Variants in EEF1AKMT1 observed in about 807,000 individuals in gnomAD.
EEF1AKMT1 encodes N-6 adenine-specific DNA methyltransferase 2 (putative).
In EEF1AKMT1, 18 loss-of-function variants were observed where a neutral mutation model predicts 21.0. The ratio of observed to expected loss-of-function variants is 0.86; its 90% CI spans 0.59 to 1.27. EEF1AKMT1 has a LOEUF of 1.27. Ranked by LOEUF, EEF1AKMT1 falls within the 50% of genes most tolerant of loss-of-function variation. The probability of loss-of-function intolerance (pLI) is 0.00; values close to 1 mark genes in which losing one functional copy is unlikely to be tolerated. For missense variants in EEF1AKMT1, 246 were observed against 258.6 expected, an observed-to-expected ratio of 0.95 and a Z score of 0.33; for synonymous variants, 109 against 94.8, an observed-to-expected ratio of 1.15 and a Z score of -0.87.
chr13:20,751,896 T>C (rs1158776578), intron 2 of EEF1AKMT1, among the ~76,000 whole-genome samples: 1 of 152,206 alleles, frequency 6.6e-6, no homozygotes, highest in East Asian at 1.9e-4. Flanking sequence ...GTATTTCTTT[T>C]TTTTGTAGCT....
chr13:20,754,260 C>A (rs552922390), intron 2 of EEF1AKMT1, among the ~76,000 whole-genome samples: 1 of 98,494 alleles, frequency 1.0e-5, no homozygotes, highest in Non-Finnish European at 2.2e-5. Flanking sequence ...CTTTTGTTGG[C>A]AGTTTTTTTT....
At chr13:20,738,702 T>A (rs2058843289) in intron 2 of EEF1AKMT1, among the ~76,000 whole-genome samples, 2 of 152,174 alleles carry the variant, frequency 1.3e-5, no homozygotes, top group Admixed American at 1.3e-4. Flanking sequence ...CTTGGAAACA[T>A]TACACTGAAC....
intron 2 of EEF1AKMT1, among the ~76,000 whole-genome samples, 183 bp from the exon 3 acceptor site, chr13:20,737,988 TTTAAA>T (rs2058835986): frequency 6.6e-6 from 1 of 152,260 alleles, no homozygotes; most frequent in African/African-American, 2.4e-5. Flanking sequence ...TCGAAATTAC[TTTAAA>T]TTAATACAAG....
intron 2 of EEF1AKMT1, among the ~76,000 whole-genome samples, chr13:20,745,238 T>C (rs2058896573): frequency 1.3e-5 from 2 of 152,240 alleles, no homozygotes; most frequent in South Asian, 4.1e-4. Context: ...GGTAGCTTGA[T>C]GGGAATAGCA....
rs919980861 is a variant in EEF1AKMT1, at chr13:20,743,180, C to T, written c.145-5375G>A. On this transcript the variant is annotated intron_variant, in intron 2 of 4. Transcript: ENST00000382758. ...CTCCGAAATTGAAGCGATTCTCCTG[C>T]CTCAGCCTCCCAAGTAGCTGGGATT... Among the ~76,000 whole-genome samples the T allele has an allele frequency of 1.1e-4, 17 of 152,202 alleles. No individual in the cohort carries two copies. The Middle Eastern group carries it at 0.014, about 122-fold the overall frequency.
intron 1 of EEF1AKMT1, among the ~76,000 whole-genome samples, chr13:20,767,091 G>A (rs1435980848): frequency 6.6e-6 from 1 of 151,968 alleles, no homozygotes; most frequent in African/African-American, 2.4e-5. Flanking sequence ...CGGATCACGA[G>A]GTCAGGAGAT....
At chr13:20,762,235 T>G (rs989779884) in intron 1 of EEF1AKMT1, among the ~76,000 whole-genome samples, 4 of 149,206 alleles carry the variant, frequency 2.7e-5, no homozygotes, top group African/African-American at 9.9e-5. Flanking sequence ...CAGGCTGGAG[T>G]GCAGTGGTGC....
At chr13:20,738,536 A>T (rs2141415525) in intron 2 of EEF1AKMT1, among the ~76,000 whole-genome samples, 1 of 152,282 alleles carries the variant, frequency 6.6e-6, no homozygotes, top group South Asian at 2.1e-4. Context: ...GGGGCATGCC[A>T]ACTGGGGGGT....
intron 1 of EEF1AKMT1, among the ~76,000 whole-genome samples, chr13:20,766,843 A>T (rs2059036326): frequency 6.6e-6 from 1 of 152,010 alleles, no homozygotes; most frequent in Admixed American, 6.6e-5. Context: ...AAAAAGAAAA[A>T]GAAAAAAACA....
intron 3 of EEF1AKMT1, among the ~76,000 whole-genome samples, chr13:20,734,287 G>A (rs936964408): frequency 7.9e-5 from 12 of 152,196 alleles, no homozygotes; most frequent in African/African-American, 2.7e-4. Flanking sequence ...ATGCAAGAAG[G>A]GATGGGAGCA....
intron 1 of EEF1AKMT1, among the ~76,000 whole-genome samples, chr13:20,764,291 T>A (rs1319472998): frequency 2.0e-5 from 3 of 152,196 alleles, no homozygotes; most frequent in Non-Finnish European, 4.4e-5. Flanking sequence ...ACTTTTAAAT[T>A]TCTCTCTGGC....
At chr13:20,749,019 C>T (rs915419822) in intron 2 of EEF1AKMT1, among the ~76,000 whole-genome samples, 7 of 152,108 alleles carry the variant, frequency 4.6e-5, no homozygotes, top group Admixed American at 3.3e-4. Context: ...CGTGAGCCAT[C>T]GTGCCCAGCC....
intron 1 of EEF1AKMT1, among the ~76,000 whole-genome samples, chr13:20,770,151 AT>A (rs1202810682): frequency 1.6e-4 from 25 of 152,362 alleles, no homozygotes; most frequent in African/African-American, 5.5e-4. Context: ...ATTCTGATAT[AT>A]GCTACAATGT....
intron 2 of EEF1AKMT1, among the ~76,000 whole-genome samples, chr13:20,743,258 G>C (rs1228161111): frequency 6.6e-6 from 1 of 151,974 alleles, no homozygotes; most frequent in Non-Finnish European, 1.5e-5. Flanking sequence ...GTAGAGAGGA[G>C]GTTTCACCAT....
At chr13:20,751,760 G>A (rs376734222) in intron 2 of EEF1AKMT1, among the ~76,000 whole-genome samples, 12 of 151,904 alleles carry the variant, frequency 7.9e-5, no homozygotes, top group South Asian at 2.1e-4. Context: ...TTTTAACTAC[G>A]ATTATTCTTT....
At chr13:20,771,373 CA>C (rs2059062108) in intron 1 of EEF1AKMT1, among the ~76,000 whole-genome samples, 2 of 152,028 alleles carry the variant, frequency 1.3e-5, no homozygotes, top group South Asian at 4.2e-4. Flanking sequence ...AATTAAATTC[CA>C]ATCTATATAA....
intron 1 of EEF1AKMT1, among the ~76,000 whole-genome samples, chr13:20,760,089 A>C (rs1478355361): frequency 7.2e-6 from 1 of 138,054 alleles, no homozygotes; most frequent in Non-Finnish European, 1.5e-5. Flanking sequence ...TGGGGAACAG[A>C]GCGAGACTCT....
At chr13:20,765,220 A>G (rs1595030858) in intron 1 of EEF1AKMT1, among the ~76,000 whole-genome samples, 1 of 152,162 alleles carries the variant, frequency 6.6e-6, no homozygotes, top group East Asian at 1.9e-4. Flanking sequence ...AGATCGTGCC[A>G]CTGCACTCCA....
chr13:20,740,953 C>T (rs898947187), intron 2 of EEF1AKMT1, among the ~76,000 whole-genome samples: 5 of 152,012 alleles, frequency 3.3e-5, no homozygotes, highest in African/African-American at 4.8e-5. Context: ...AATGGAGCTG[C>T]CTTTTTCCTT....
Sources: gnomAD v4.1 joint callset for allele counts (sites outside exome capture counted in the v4.1 genomes callset) on GRCh38, gnomAD v4.1.1 for gene constraint, MANE v1.5 for transcripts, NCBI Gene and HGNC (gene_info 2026-07-23, HGNC 2026-07-21) for gene names.